SCARA5: variants seen among roughly 807,000 people sequenced by gnomAD.
The protein encoded by SCARA5 is scavenger receptor class A, member 5 (putative).
Under a neutral mutation model 46.3 loss-of-function variants are expected in SCARA5, and 45 were observed. The ratio of observed to expected loss-of-function variants is 0.97; its 90% confidence interval spans 0.76 to 1.24. The LOEUF (loss-of-function observed/expected upper bound fraction) is 1.24, where lower values mean the gene tolerates loss of function less well. SCARA5 is among the 50% of genes most tolerant of loss of function. The probability of loss-of-function intolerance (pLI) is 0.00; values close to 1 mark genes in which losing one functional copy is unlikely to be tolerated. For synonymous variants in SCARA5, 333 were observed against 306.5 expected (o/e 1.09, Z -0.90); for missense variants, 680 against 689.0 (o/e 0.99, Z 0.15).
intron 4 of SCARA5, 27 bp downstream of exon 4, chr8:27,921,544 G>GT (rs764027414): frequency 8.5e-6 from 13 of 1,523,070 alleles, no homozygotes; most frequent in Middle Eastern, 4.2e-4. Flanking sequence ...GGGGCCGTGG[G>GT]TGGAGGCAGC....
At chr8:27,974,461 A>G (rs1386474907) in intron 2 of SCARA5, among the ~76,000 whole-genome samples, 1 of 152,158 alleles carries the variant, frequency 6.6e-6, no homozygotes, top group East Asian at 1.9e-4. Flanking sequence ...ATAAAAAAAA[A>G]ACAGAAGGCA....
intron 7 of SCARA5, among the ~76,000 whole-genome samples, chr8:27,902,141 C>T (rs769911005): frequency 2.6e-5 from 4 of 152,178 alleles, no homozygotes; most frequent in Admixed American, 2.0e-4. Context: ...AAAAGTTCAG[C>T]GCTTTGTGCA....
intron 4 of SCARA5, 60 bp from the exon 5 acceptor site, chr8:27,909,803 A>G: frequency 8.3e-7 from 1 of 1,209,054 alleles, no homozygotes; most frequent in Admixed American, 2.1e-5. Context: ...GGACCAGGTC[A>G]TCTGTAGAGG....
rs1807245973 is a variant in SCARA5 at position 27,905,623 on chromosome 8, T to C, written c.1097-789A>G. On this transcript the variant is annotated intron_variant, in intron 6 of 8. Coordinates refer to ENST00000354914, the MANE Select transcript of SCARA5 (RefSeq NM_173833.6). ...TCCAAAGCATTGACAGTAGTTATTC[T>C]AAAGAATAAGAGCTGGGGGAACTGA... 2.0e-5 allele frequency among the ~76,000 whole-genome samples: 3 copies of C among 151,286 alleles called. No homozygotes were observed. The South Asian group carries it at 6.3e-4, about 32-fold the overall frequency.
chr8:27,921,947 C>A lies in SCARA5; in HGVS notation c.540G>T (p.Thr180=), dbSNP rs760209676. ...GCAGCTGGTAGAGCTCCAGCTGCGC[C>A]GTGTCGCTCTGCTGGCCCGTGCGGT... ...LRDRTGQQSD[T]AQLELYQLQV... is the part of the protein sequence containing the mutation. The change falls in exon 4 of 9, where the codon ACG becomes ACT. Residue 180 remains threonine, a synonymous_variant. Transcript: ENST00000354914. The A allele has an allele frequency of 3.2e-6, 5 of 1,542,416 alleles. No individual in the cohort carries two copies. The African/African-American group carries it at 4.2e-5, about 13-fold the overall frequency.
intron 3 of SCARA5, among the ~76,000 whole-genome samples, chr8:27,927,301 G>A (rs1417937990): frequency 2.0e-5 from 3 of 152,104 alleles, no homozygotes; most frequent in African/African-American, 4.8e-5. Context: ...ATATGGGGAC[G>A]GCTGACAATC....
Position 27,872,082 on chromosome 8 carries a change from G to C in SCARA5, c.1352-12C>G. 6.2e-7 allele frequency: 1 copy of C among 1,614,118 alleles called. No individual in the cohort carries two copies. ...GATCCTCCCAGTGCCTGTGGAGACA[G>C]GGAAACACAGCTATAAGCGGATACA... On this transcript the variant is annotated splice_polypyrimidine_tract_variant and intron_variant, in intron 8 of 8. Coordinates refer to ENST00000354914, the MANE Select transcript of SCARA5 (RefSeq NM_173833.6).
chr8:27,930,169 CCA>C (rs1248593334), intron 3 of SCARA5, among the ~76,000 whole-genome samples: 1 of 152,130 alleles, frequency 6.6e-6, no homozygotes, highest in Non-Finnish European at 1.5e-5. Context: ...ATTGTATCTC[CCA>C]CAATTTCCAT....
intron 5 of SCARA5, among the ~76,000 whole-genome samples, chr8:27,908,360 G>GCGGTGCCGGCGC (rs1395016162): frequency 6.6e-6 from 1 of 151,476 alleles, no homozygotes; most frequent in Non-Finnish European, 1.5e-5. Flanking sequence ...CCGGCGCCAT[G>GCGGTGCCGGCGC]CAGAGCCAGC....
At chr8:27,940,522 G>A (rs1382518538) in intron 3 of SCARA5, among the ~76,000 whole-genome samples, 1 of 152,072 alleles carries the variant, frequency 6.6e-6, no homozygotes, top group Non-Finnish European at 1.5e-5. Flanking sequence ...ATCAGGGCTT[G>A]TATGCATATT....
intron 7 of SCARA5, 30 bp downstream of exon 7, chr8:27,904,741 AACACCAT>A (rs1807223114): frequency 6.3e-7 from 1 of 1,587,336 alleles, no homozygotes; most frequent in African/African-American, 1.3e-5. Context: ...GCCCTGTGCC[AACACCAT>A]ATCCCACGGC....
At position 27,904,920 on chromosome 8, in the gene SCARA5, C is replaced by T. The variant is rs749743562; in HGVS notation, c.1097-86G>A. On this transcript the variant is annotated intron_variant, in intron 6 of 8. Transcript: ENST00000354914. ...ATTACCTGCAGGAGATTGATGAACT[C>T]GAGACCAGAGAAACCCTCAGGCAGG... 22 of 1,217,648 alleles carry T rather than the reference C, an allele frequency of 1.8e-5. No individual in the cohort carries two copies. The East Asian group carries it at 2.5e-4, about 14-fold the overall frequency. The allele number at this position is 1,217,648 out of a possible 1,614,324, so 75.4% of individuals were successfully genotyped here. A position where few individuals can be genotyped will look rare whatever the true frequency, so the allele number is the denominator to read the frequency against.
chr8:27,982,569 A>C (rs1422201814), intron 2 of SCARA5, among the ~76,000 whole-genome samples: 1 of 152,200 alleles, frequency 6.6e-6, no homozygotes, highest in African/African-American at 2.4e-5. Context: ...GCTATTGCCC[A>C]GGATCCACGA....
intron 3 of SCARA5, among the ~76,000 whole-genome samples, chr8:27,927,223 G>A (rs1437958432): frequency 6.6e-6 from 1 of 152,182 alleles, no homozygotes; most frequent in Non-Finnish European, 1.5e-5. Context: ...CCTGCTCATC[G>A]GCTGCCTCCT....
chr8:27,938,402 G>T (rs1267250416), intron 3 of SCARA5, among the ~76,000 whole-genome samples: 1 of 152,154 alleles, frequency 6.6e-6, no homozygotes, highest in Admixed American at 6.5e-5. Flanking sequence ...CATGGGGTTT[G>T]TTGGTGTTTT....
At chr8:27,900,952 T>G (rs1235819491) in intron 7 of SCARA5, among the ~76,000 whole-genome samples, 1 of 151,904 alleles carries the variant, frequency 6.6e-6, no homozygotes, top group Non-Finnish European at 1.5e-5. Flanking sequence ...TGGGTGATTT[T>G]GGGGATTCCT....
chr8:27,922,781 T>C (rs531745176), intron 3 of SCARA5, among the ~76,000 whole-genome samples: 2 of 96,318 alleles, frequency 2.1e-5, no homozygotes, highest in Admixed American at 2.6e-4. Flanking sequence ...ATCACCAAAG[T>C]CATAGTAAGG....
At chr8:27,987,761 G>A (rs1029997987) in intron 1 of SCARA5, 131 bp from the exon 2 acceptor site, 16 of 618,148 alleles carry the variant, frequency 2.6e-5, no homozygotes, top group South Asian at 3.8e-5. Flanking sequence ...CCTGAACACC[G>A]GGACCCTCTG....
intron 7 of SCARA5, among the ~76,000 whole-genome samples, chr8:27,892,533 G>T (rs1395671343): frequency 1.3e-5 from 2 of 152,034 alleles, no homozygotes; most frequent in Non-Finnish European, 2.9e-5. Context: ...GGTGGAAGGA[G>T]GCAGCTGGAC....
Sources: allele counts gnomAD v4.1 joint callset (sites outside exome capture counted in the v4.1 genomes callset), GRCh38; gene constraint gnomAD v4.1.1; transcripts MANE v1.5; gene names NCBI Gene and HGNC (gene_info 2026-07-23, HGNC 2026-07-21).